The following SLC6A6 variants were observed in gnomAD, a reference collection of about 807,000 sequenced individuals.
SLC6A6 encodes the protein solute carrier family 6 member 6.
A neutral mutation model predicts 68.8 loss-of-function variants in SLC6A6; 16 were observed. That is an observed-to-expected ratio of 0.23 (90% confidence interval 0.16 to 0.35). The LOEUF is 0.35. Among genes scored for constraint, SLC6A6 ranks in the 10% least tolerant of loss-of-function variants. The pLI, the probability that SLC6A6 is intolerant of heterozygous loss-of-function variation, is 1.00. For synonymous variants in SLC6A6, 312 were observed against 315.4 expected (o/e 0.99, Z 0.12); for missense variants, 474 against 802.8 (o/e 0.59, Z 4.95).
chr3:14,444,857 T>C (rs758811501), intron 3 of SLC6A6: 4 of 455,826 alleles, frequency 8.8e-6, no homozygotes, highest in Non-Finnish European at 1.3e-5. Context: ...AAGCCATTAG[T>C]GGACACCAGG....
chr3:14,429,623 C>T (rs758396209), intron 2 of SLC6A6, among the ~76,000 whole-genome samples: 20 of 152,236 alleles, frequency 1.3e-4, no homozygotes, highest in Non-Finnish European at 1.6e-4. Context: ...TTCCCAACCT[C>T]ACCTGATTTT....
intron 2 of SLC6A6, among the ~76,000 whole-genome samples, chr3:14,421,302 C>T (rs1699480501): frequency 6.6e-6 from 1 of 152,182 alleles, no homozygotes; most frequent in African/African-American, 2.4e-5. Context: ...ACTCCATCCT[C>T]TAGAGATGTA....
intron 1 of SLC6A6, among the ~76,000 whole-genome samples, chr3:14,412,997 G>A (rs767049144): frequency 1.3e-5 from 2 of 152,222 alleles, no homozygotes; most frequent in South Asian, 2.1e-4. Flanking sequence ...CAGTGTCCTC[G>A]CTCCAAAAGC....
chr3:14,426,297 C>T (rs562896490), intron 2 of SLC6A6, among the ~76,000 whole-genome samples: 39 of 152,136 alleles, frequency 2.6e-4, no homozygotes, highest in Middle Eastern at 3.4e-3. Context: ...GATTCTGAGC[C>T]GTAGTTCCTC....
intron 2 of SLC6A6, among the ~76,000 whole-genome samples, chr3:14,432,167 A>G (rs1295771681): frequency 6.6e-6 from 1 of 152,222 alleles, no homozygotes; most frequent in African/African-American, 2.4e-5. Context: ...TCTGCTTTTC[A>G]TAGCCAACAA....
In SLC6A6 at chr3:14,447,569, G is replaced by A. The variant is rs1405161773; in HGVS notation, c.365-13G>A. 1 of 1,613,962 alleles carries A rather than the reference G, an allele frequency of 6.2e-7. No homozygotes were observed. The highest frequency in any genetic ancestry group is 2.2e-5 in the East Asian group (1 of 44,878). On this transcript the variant is annotated splice_polypyrimidine_tract_variant and intron_variant, in intron 4 of 14. Transcript: ENST00000622186. ...CCTCAGATGTTTACTCATCTCATTT[G>A]CCCAACCTGCAGGTATCGGCTATGC...
intron 13 of SLC6A6, among the ~76,000 whole-genome samples, chr3:14,479,981 G>C (rs1451707156): frequency 6.6e-6 from 1 of 152,206 alleles, no homozygotes; most frequent in East Asian, 1.9e-4. Flanking sequence ...TTAGGAGACA[G>C]GTGCTGAGGA....
chr3:14,442,163 A>G (rs1700005091), intron 2 of SLC6A6, among the ~76,000 whole-genome samples: 2 of 152,206 alleles, frequency 1.3e-5, no homozygotes, highest in South Asian at 4.1e-4. Flanking sequence ...AGCAATCGCC[A>G]TGAGGAGTAT....
intron 1 of SLC6A6, among the ~76,000 whole-genome samples, chr3:14,409,312 T>C (rs976522231): frequency 6.6e-6 from 1 of 152,148 alleles, no homozygotes; most frequent in Non-Finnish European, 1.5e-5. Context: ...GTAAATGAAA[T>C]ACCCCCACCC....
intron 12 of SLC6A6, 185 bp downstream of exon 12, chr3:14,478,753 G>T: frequency 3.3e-6 from 2 of 610,162 alleles, no homozygotes; most frequent in Non-Finnish European, 5.8e-6. Context: ...CTAAAGGTGT[G>T]AGGTGTGACT....
At chr3:14,461,925 G>A (rs535719035) in intron 6 of SLC6A6, among the ~76,000 whole-genome samples, 7 of 152,292 alleles carry the variant, frequency 4.6e-5, no homozygotes, top group East Asian at 1.9e-4. Flanking sequence ...AAGGATGCCC[G>A]GCTCCCCCTG....
intron 5 of SLC6A6, among the ~76,000 whole-genome samples, chr3:14,453,128 A>T (rs1700292126): frequency 6.6e-6 from 1 of 152,212 alleles, no homozygotes; most frequent in Middle Eastern, 3.2e-3. Context: ...GCTAGTCTCC[A>T]GGGGAGAGCC....
chr3:14,444,045 C>T (rs768689830), intron 3 of SLC6A6, 182 bp downstream of exon 3: 44 of 587,972 alleles, frequency 7.5e-5, no homozygotes, highest in Non-Finnish European at 1.1e-4. Context: ...GGGATAAGCC[C>T]GACTGAGAAT....
chr3:14,437,958 G>A lies in SLC6A6; in HGVS notation c.-11-5666G>A, dbSNP rs563703283. On this transcript the variant is annotated intron_variant, in intron 2 of 14. Coordinates refer to ENST00000622186, the MANE Select transcript of SLC6A6 (RefSeq NM_003043.6). ...TTCTTCTGCCGTAGCTTCTTGAGTA[G>A]CTGGGATTACAGGAGTGCATCACAT... Among the ~76,000 whole-genome samples the A allele has an allele frequency of 2.0e-4, 30 of 151,022 alleles. 1 individual carries two copies. The South Asian group carries it at 6.1e-3, about 30-fold the overall frequency.
At chr3:14,409,811 C>T (rs1287044812) in intron 1 of SLC6A6, among the ~76,000 whole-genome samples, 2 of 152,152 alleles carry the variant, frequency 1.3e-5, no homozygotes, top group East Asian at 3.9e-4. Context: ...TCCAGTTAAC[C>T]TTCTCTGCCC....
intron 6 of SLC6A6, 124 bp from the exon 7 acceptor site, chr3:14,466,392 A>G: frequency 1.8e-6 from 2 of 1,138,488 alleles, no homozygotes; most frequent in Non-Finnish European, 1.2e-6. Context: ...CAAGTAAGAC[A>G]GCAAACCTGG....
rs183887754 is a variant in SLC6A6 at position 14,434,935 on chromosome 3, A to G, written c.-11-8689A>G. ...AGTTTGGACCCAGTCCCCAGACCTTATGTTCACCTGCCAATGTTTTTATGA... is the reference window on the plus strand; with the variant it reads ...AGTTTGGACCCAGTCCCCAGACCTTGTGTTCACCTGCCAATGTTTTTATGA... On this transcript the variant is annotated intron_variant, in intron 2 of 14. Transcript: ENST00000622186. Among the ~76,000 whole-genome samples, 391 of 152,226 alleles carry G rather than the reference A, an allele frequency of 2.6e-3. 2 individuals are homozygous for G. Among genetic ancestry groups the G allele is most frequent in the Non-Finnish European group, 4.6e-3 (316 of 67,996 alleles).
In SLC6A6 at chr3:14,481,831, C is replaced by T. The variant is rs781495760; in HGVS notation, c.1712C>T (p.Pro571Leu). Reference sequence around the variant, plus strand: ...ATCCGCCTCTGCCAGACTGAGGGGCCGTTCCTTGTGGTAAGTGCTTGGGCC... The same window carrying T: ...ATCCGCCTCTGCCAGACTGAGGGGCTGTTCCTTGTGGTAAGTGCTTGGGCC... Reference protein sequence around the residue: ...IVIRLCQTEGPFLVRVKYLLT... With the variant: ...IVIRLCQTEGLFLVRVKYLLT... Residue 571 changes from proline (P) to leucine (L), a missense_variant, in exon 14 of 15, where the codon CCG becomes CTG. Pro to Leu is a moderately conservative substitution (Grantham distance 98). Transcript: ENST00000622186. This position sits in a 1 kb window ranked among gnomAD's most constrained non-coding sequence, Gnocchi z 4.7. 2 of 1,613,756 alleles carry T rather than the reference C, an allele frequency of 1.2e-6. No homozygotes were observed. Among genetic ancestry groups the T allele is most frequent in the Non-Finnish European group, 1.7e-6 (2 of 1,179,806 alleles).
At chr3:14,434,704 A>G (rs1225433984) in intron 2 of SLC6A6, among the ~76,000 whole-genome samples, 1 of 152,124 alleles carries the variant, frequency 6.6e-6, no homozygotes, top group Non-Finnish European at 1.5e-5. Context: ...GTGTGCCTCA[A>G]ACACCTTCAT....
Sources: allele counts gnomAD v4.1 joint callset (sites outside exome capture counted in the v4.1 genomes callset), GRCh38; gene constraint gnomAD v4.1.1; non-coding constraint Gnocchi (gnomAD v3.1); transcripts MANE v1.5; gene names NCBI Gene and HGNC (gene_info 2026-07-23, HGNC 2026-07-21).